Variants in MAML3 observed in about 807,000 individuals in gnomAD.
MAML3 encodes mastermind-like protein 3.
MAML3 carries 27 observed loss-of-function variants against 101.9 expected under a neutral mutation model. The ratio of observed to expected loss-of-function variants is 0.27; its 90% CI spans 0.20 to 0.37. The LOEUF (loss-of-function observed/expected upper bound fraction) is 0.37. Among genes scored for constraint, MAML3 ranks in the 10% least tolerant of loss-of-function variants. The pLI is 1.00. For synonymous variants in MAML3, 501 were observed against 555.9 expected (o/e 0.90, Z 1.39); for missense variants, 1,316 against 1,444.9 (o/e 0.91, Z 1.45).
At chr4:139,909,201 C>T (rs970384057) in intron 1 of MAML3, among the ~76,000 whole-genome samples, 4 of 152,210 alleles carry the variant, frequency 2.6e-5, no homozygotes, top group Non-Finnish European at 5.9e-5. Flanking sequence ...GGCATATTCA[C>T]ATCTGACCCC....
chr4:139,930,740 T>C (rs1027923465), intron 1 of MAML3, among the ~76,000 whole-genome samples: 24 of 152,188 alleles, frequency 1.6e-4, no homozygotes, highest in African/African-American at 4.6e-4. Flanking sequence ...TCCCTTTTTC[T>C]TATGTTTAAA....
rs1218153161 is a variant in MAML3, at chr4:139,729,958, G to T, written c.2331+458C>A. On this transcript the variant is annotated intron_variant, in intron 3 of 4. Transcript: ENST00000509479. ...ATTCTGCTATTGTTCCTGATCCATT[G>T]TTCATTACCCATTCTATAGAATTCT... Among the ~76,000 whole-genome samples, 4 of 152,168 alleles carry T rather than the reference G, an allele frequency of 2.6e-5. No individual in the cohort carries two copies. In the South Asian group the frequency reaches 8.3e-4, roughly 32 times the overall value.
At chr4:139,751,764 A>G (rs1287078697) in intron 2 of MAML3, among the ~76,000 whole-genome samples, 2 of 152,104 alleles carry the variant, frequency 1.3e-5, no homozygotes, top group African/African-American at 4.8e-5. Context: ...ACTGGAATAC[A>G]CTCAGCCCAG....
chr4:140,133,488 T>C (rs1175237982), intron 1 of MAML3, among the ~76,000 whole-genome samples: 7 of 152,204 alleles, frequency 4.6e-5, no homozygotes, highest in East Asian at 3.8e-4. Flanking sequence ...AGTGATAGTA[T>C]TGCAACTCTC....
At chr4:139,772,200 A>T (rs1351490677) in intron 2 of MAML3, among the ~76,000 whole-genome samples, 1 of 114,836 alleles carries the variant, frequency 8.7e-6, no homozygotes, top group Non-Finnish European at 1.7e-5. Context: ...AGATCGCGCC[A>T]CTGCACTCCA....
chr4:140,118,463 G>A (rs1728551007), intron 1 of MAML3, among the ~76,000 whole-genome samples: 1 of 151,868 alleles, frequency 6.6e-6, no homozygotes. Flanking sequence ...TGAAAATGAG[G>A]ATGAGGTAGC....
At chr4:139,741,239 G>A (rs567459032) in intron 2 of MAML3, among the ~76,000 whole-genome samples, 4 of 152,230 alleles carry the variant, frequency 2.6e-5, no homozygotes, top group East Asian at 3.9e-4. Context: ...TGTGGCTGAC[G>A]ACCAGCTTCT....
At chr4:139,752,234 C>T (rs1018517571) in intron 2 of MAML3, among the ~76,000 whole-genome samples, 8 of 152,160 alleles carry the variant, frequency 5.3e-5, no homozygotes, top group African/African-American at 1.4e-4. Flanking sequence ...GAAAAAAGCA[C>T]CTTGCAGAAC....
At chr4:140,059,472 GCTGA>G (rs1409771860) in intron 1 of MAML3, among the ~76,000 whole-genome samples, 2 of 152,222 alleles carry the variant, frequency 1.3e-5, no homozygotes, top group African/African-American at 4.8e-5. Context: ...AGGAACAGCT[GCTGA>G]CTGAGGATGA....
intron 2 of MAML3, among the ~76,000 whole-genome samples, chr4:139,815,517 GATA>G (rs1225154120): frequency 1.3e-5 from 2 of 152,182 alleles, no homozygotes; most frequent in African/African-American, 2.4e-5. Flanking sequence ...CAAGATTACA[GATA>G]ATAACTGGCA....
intron 2 of MAML3, among the ~76,000 whole-genome samples, chr4:139,755,532 C>T (rs758480966): frequency 6.6e-6 from 1 of 152,106 alleles, no homozygotes; most frequent in African/African-American, 2.4e-5. Context: ...GGCGTGAACC[C>T]GGGAGGCGGA....
At chr4:140,134,368 T>C in intron 1 of MAML3, 1 of 456,656 alleles carries the variant, frequency 2.2e-6, no homozygotes, top group Middle Eastern at 3.3e-4. Flanking sequence ...CCCCAATCAT[T>C]TCTCCAGATG....
At chr4:140,031,835 C>A (rs1381342151) in intron 1 of MAML3, among the ~76,000 whole-genome samples, 2 of 152,094 alleles carry the variant, frequency 1.3e-5, no homozygotes, top group East Asian at 3.9e-4. Context: ...TTTCCTTCTC[C>A]CCCAGCTGAG....
intron 2 of MAML3, among the ~76,000 whole-genome samples, chr4:139,836,291 AT>A (rs1731254290): frequency 6.6e-6 from 1 of 152,188 alleles, no homozygotes; most frequent in Non-Finnish European, 1.5e-5. Context: ...TCCTCAATCA[AT>A]TTGTCTGTTT....
chr4:140,060,223 G>A (rs1046706558), intron 1 of MAML3, among the ~76,000 whole-genome samples: 9 of 151,608 alleles, frequency 5.9e-5, no homozygotes, highest in Non-Finnish European at 1.2e-4. Flanking sequence ...AAAATTAGCC[G>A]AGTGTGGTGG....
chr4:139,731,744 G>A (rs946104404), intron 2 of MAML3, among the ~76,000 whole-genome samples: 1 of 152,230 alleles, frequency 6.6e-6, no homozygotes, highest in African/African-American at 2.4e-5. Context: ...TGGTCCTTAG[G>A]GAAGAGGAGG....
chr4:139,906,237 G>A (rs1168047698), intron 1 of MAML3, among the ~76,000 whole-genome samples: 1 of 152,116 alleles, frequency 6.6e-6, no homozygotes, highest in African/African-American at 2.4e-5. Flanking sequence ...GAGACTATGG[G>A]TGCATACCAC....
rs1579373560 is a variant in MAML3, at chr4:139,733,843, T to C, written c.2080-3176A>G. 3.3e-5 allele frequency among the ~76,000 whole-genome samples: 5 copies of C among 152,160 alleles called. No homozygotes were observed. In the South Asian group the frequency reaches 1.0e-3, roughly 32 times the overall value. On this transcript the variant is annotated intron_variant, in intron 2 of 4. Transcript: ENST00000509479. ...GGGGGACTACAGGTTTAAGCCACCATGCCCTGCTAATTTTTAAATTCTTTG... is the reference window on the plus strand; with the variant it reads ...GGGGGACTACAGGTTTAAGCCACCACGCCCTGCTAATTTTTAAATTCTTTG...
intron 3 of MAML3, among the ~76,000 whole-genome samples, chr4:139,728,824 CG>C (rs1440389285): frequency 6.6e-6 from 1 of 152,162 alleles, no homozygotes; most frequent in African/African-American, 2.4e-5. Context: ...CTGGCCTCAC[CG>C]TGTGGGAACA....
Sources: gnomAD v4.1 joint callset for allele counts (sites outside exome capture counted in the v4.1 genomes callset) on GRCh38, gnomAD v4.1.1 for gene constraint, MANE v1.5 for transcripts, NCBI Gene and HGNC (gene_info 2026-07-23, HGNC 2026-07-21) for gene names.